CTNNA3: variants seen among roughly 807,000 people sequenced by gnomAD.
CTNNA3 encodes the protein catenin alpha 3.
CTNNA3 carries 76 observed loss-of-function variants against 95.7 expected under a neutral mutation model. The ratio of observed to expected loss-of-function variants is 0.79; its 90% CI spans 0.66 to 0.96. The LOEUF is 0.96. Ranked by LOEUF, CTNNA3 falls within the 40% of genes least tolerant of loss-of-function variation. The pLI, the probability that CTNNA3 is intolerant of heterozygous loss-of-function variation, is 0.00. For synonymous variants in CTNNA3, 431 were observed against 374.4 expected (o/e 1.15, Z -1.74); for missense variants, 1,191 against 1,089.8 (o/e 1.09, Z -1.31).
chr10:66,609,010 A>G lies in CTNNA3; in HGVS notation c.1374+12682T>C, dbSNP rs142911752. ...CAACAGAGTGTAACAGAAAACTTACAGAATGGGAGATACATTCTGCAAACT... is the reference window on the plus strand; with the variant it reads ...CAACAGAGTGTAACAGAAAACTTACGGAATGGGAGATACATTCTGCAAACT... On this transcript the variant is annotated intron_variant, in intron 10 of 17. Coordinates refer to ENST00000433211, the MANE Select transcript of CTNNA3 (RefSeq NM_013266.4). 1.6e-4 allele frequency among the ~76,000 whole-genome samples: 24 copies of G among 152,250 alleles called. No individual in the cohort carries two copies. The East Asian group carries it at 3.7e-3, about 23-fold the overall frequency.
At chr10:67,515,939 C>T (rs552161493) in intron 5 of CTNNA3, among the ~76,000 whole-genome samples, 2 of 152,162 alleles carry the variant, frequency 1.3e-5, no homozygotes, top group East Asian at 3.9e-4. Context: ...TCCAGATACA[C>T]ATGTTCTTTA....
rs11288654 is a variant in CTNNA3 at position 67,574,577 on chromosome 10, CTTT to C, written c.292+32277_292+32279del. ...ATTCTTACATTGACAAGGTTGTTAA[CTTT>C]TTTTTTTTTTTTTTTTTTGAGACGG... On this transcript the variant is annotated intron_variant, in intron 3 of 17. Transcript: ENST00000433211. Among the ~76,000 whole-genome samples the C allele has an allele frequency of 3.7e-3, 427 of 116,218 alleles. 2 individuals are homozygous for C. The highest frequency in any genetic ancestry group is 0.015 in the African/African-American group (405 of 26,458). 76.2% of individuals were successfully genotyped at this position (116,218 alleles called of 152,430 possible). A position where few individuals can be genotyped will look rare whatever the true frequency, so the allele number is the denominator to read the frequency against.
chr10:67,104,869 CAAAG>C (rs1858540433), intron 7 of CTNNA3, among the ~76,000 whole-genome samples: 1 of 151,934 alleles, frequency 6.6e-6, no homozygotes, highest in Non-Finnish European at 1.5e-5. Flanking sequence ...ATAAATCCAG[CAAAG>C]AAAGAAATTC....
In CTNNA3 at chr10:66,927,272, A is replaced by G. The variant is rs769772215; in HGVS notation, c.1048-151748T>C. ...CTCAAAGAGCTGATTCTTAGTTCCA[A>G]TAGAATCTCCTATTTTCTTAACAAT... On this transcript the variant is annotated intron_variant, in intron 7 of 17. Transcript: ENST00000433211. This position sits in a 1 kb window ranked among gnomAD's most constrained non-coding sequence, Gnocchi z 4.7. The G allele has an allele frequency of 1.9e-6, 3 of 1,614,040 alleles. No individual in the cohort carries two copies. Among genetic ancestry groups the G allele is most frequent in the Non-Finnish European group, 2.5e-6 (3 of 1,179,966 alleles).
At chr10:66,174,405 T>C (rs2085598644) in intron 13 of CTNNA3, among the ~76,000 whole-genome samples, 1 of 152,132 alleles carries the variant, frequency 6.6e-6, no homozygotes. Flanking sequence ...TATACAATTA[T>C]ATATGATTAT....
At chr10:66,663,693 G>A (rs996478461) in intron 9 of CTNNA3, among the ~76,000 whole-genome samples, 1 of 152,046 alleles carries the variant, frequency 6.6e-6, no homozygotes, top group Admixed American at 6.6e-5. Context: ...AAGAATCACT[G>A]AATCAATCAG....
intron 7 of CTNNA3, among the ~76,000 whole-genome samples, chr10:67,043,683 C>T (rs151228053): frequency 6.6e-6 from 1 of 152,098 alleles, no homozygotes; most frequent in African/African-American, 2.4e-5. Flanking sequence ...CCTTTAATCT[C>T]CCACTGCTCC....
intron 4 of CTNNA3, among the ~76,000 whole-genome samples, chr10:67,526,419 G>C (rs759137051): frequency 2.0e-5 from 3 of 147,480 alleles, no homozygotes; most frequent in Non-Finnish European, 4.4e-5. Context: ...AATTGGGCTT[G>C]AGATCTAAAT....
intron 12 of CTNNA3, among the ~76,000 whole-genome samples, chr10:66,309,368 T>C (rs80293166): frequency 1.3e-5 from 2 of 152,124 alleles, no homozygotes; most frequent in African/African-American, 4.8e-5. Flanking sequence ...ACCTTTTTTT[T>C]CGTCTCTGGA....
At chr10:66,780,059 C>T (rs1372619043) in intron 7 of CTNNA3, among the ~76,000 whole-genome samples, 1 of 151,994 alleles carries the variant, frequency 6.6e-6, no homozygotes, top group Non-Finnish European at 1.5e-5. Context: ...AGAGAAAAAG[C>T]TTATCAGGGA....
intron 17 of CTNNA3, among the ~76,000 whole-genome samples, chr10:65,935,553 A>G (rs2077323715): frequency 6.6e-6 from 1 of 152,174 alleles, no homozygotes; most frequent in African/African-American, 2.4e-5. Flanking sequence ...CAGTTAAGGA[A>G]AACCTGCTCT....
intron 14 of CTNNA3, among the ~76,000 whole-genome samples, chr10:66,080,127 C>T (rs1400197577): frequency 6.6e-6 from 1 of 152,056 alleles, no homozygotes; most frequent in African/African-American, 2.4e-5. Context: ...TCTTCTCATA[C>T]ATTCTTTGAG....
chr10:66,856,729 G>A (rs1250421927), intron 7 of CTNNA3, among the ~76,000 whole-genome samples: 8 of 151,892 alleles, frequency 5.3e-5, no homozygotes, highest in Admixed American at 5.3e-4. Context: ...GTCTGTTCAT[G>A]TCCTTTGCCC....
intron 7 of CTNNA3, among the ~76,000 whole-genome samples, chr10:67,040,763 C>T (rs966206685): frequency 4.6e-5 from 7 of 151,812 alleles, no homozygotes; most frequent in Non-Finnish European, 8.8e-5. Context: ...GAAATATCAG[C>T]GTAAAAGCAG....
intron 15 of CTNNA3, among the ~76,000 whole-genome samples, chr10:66,037,852 GT>G (rs201288443): frequency 1.8e-4 from 27 of 151,674 alleles, no homozygotes; most frequent in Middle Eastern, 3.4e-3. Context: ...AAAACATAGA[GT>G]TTTTTTTTCT....
rs190620935 is a variant in CTNNA3, at chr10:66,480,751, C to T, written c.1531+39866G>A. 3.2e-3 allele frequency among the ~76,000 whole-genome samples: 488 copies of T among 152,092 alleles called. 3 individuals carry two copies. The highest frequency in any genetic ancestry group is 0.027 in the Middle Eastern group (8 of 294). ...TCCTGAGTAGCTGGGACTACAGGTG[C>T]GTGCCACCATGCCCGGTTAATTTTT... On this transcript the variant is annotated intron_variant, in intron 11 of 17. Coordinates refer to ENST00000433211, the MANE Select transcript of CTNNA3 (RefSeq NM_013266.4).
At chr10:66,394,389 T>C (rs1432589713) in intron 11 of CTNNA3, among the ~76,000 whole-genome samples, 1 of 151,834 alleles carries the variant, frequency 6.6e-6, no homozygotes. Flanking sequence ...CCTGACAAAA[T>C]AAACAAACAG....
chr10:67,744,451 T>C (rs1260178107), intron 1 of CTNNA3, among the ~76,000 whole-genome samples: 1 of 151,340 alleles, frequency 6.6e-6, no homozygotes, highest in African/African-American at 2.4e-5. Context: ...GCTAGCCATA[T>C]GTAGAAAGCT....
intron 5 of CTNNA3, among the ~76,000 whole-genome samples, chr10:67,237,440 C>T (rs989106706): frequency 1.3e-5 from 2 of 150,194 alleles, no homozygotes; most frequent in Non-Finnish European, 3.0e-5. Flanking sequence ...CAGTGTATAC[C>T]GCTCAGATGA....
Sources: allele counts gnomAD v4.1 joint callset (sites outside exome capture counted in the v4.1 genomes callset), GRCh38; gene constraint gnomAD v4.1.1; non-coding constraint Gnocchi (gnomAD v3.1); transcripts MANE v1.5; gene names NCBI Gene and HGNC (gene_info 2026-07-23, HGNC 2026-07-21).